Variants in SKAP1 observed in about 807,000 individuals in gnomAD.
SKAP1 encodes the protein src kinase-associated phosphoprotein 1.
A neutral mutation model predicts 58.5 loss-of-function variants in SKAP1; 44 were observed. The observed-to-expected ratio is 0.75, with a 90% CI of 0.59 to 0.97. SKAP1 has a LOEUF of 0.97. SKAP1 is among the 50% of genes least tolerant of loss of function. The pLI, the probability that SKAP1 is intolerant of heterozygous loss-of-function variation, is 0.00. For synonymous variants in SKAP1, 127 were observed against 149.7 expected, an observed-to-expected ratio of 0.85 and a Z score of 1.11; for missense variants, 390 against 435.2, an observed-to-expected ratio of 0.90 and a Z score of 0.92.
intron 12 of SKAP1, among the ~76,000 whole-genome samples, chr17:48,136,072 G>A (rs1405521048): frequency 6.6e-6 from 1 of 152,148 alleles, no homozygotes; most frequent in Non-Finnish European, 1.5e-5. Context: ...TTTACAGCTT[G>A]CTGTGTCCAT....
At chr17:48,171,355 C>G (rs1198725782) in intron 9 of SKAP1, among the ~76,000 whole-genome samples, 2 of 152,078 alleles carry the variant, frequency 1.3e-5, no homozygotes, top group Non-Finnish European at 2.9e-5. Context: ...ATCCGCCCAC[C>G]TTGGCCTCCC....
chr17:48,298,688 G>A (rs1184703830), intron 4 of SKAP1, among the ~76,000 whole-genome samples: 1 of 152,118 alleles, frequency 6.6e-6, no homozygotes, highest in Non-Finnish European at 1.5e-5. Flanking sequence ...CTGTTTTCAT[G>A]AAAGAGTTAA....
chr17:48,411,766 A>C (rs1368826640), intron 1 of SKAP1, among the ~76,000 whole-genome samples: 1 of 152,110 alleles, frequency 6.6e-6, no homozygotes, highest in Non-Finnish European at 1.5e-5. Flanking sequence ...TTATGAGAAA[A>C]AGACCAGACA....
chr17:48,172,972 T>C (rs1198623732), intron 9 of SKAP1, among the ~76,000 whole-genome samples: 1 of 152,098 alleles, frequency 6.6e-6, no homozygotes, highest in Non-Finnish European at 1.5e-5. Flanking sequence ...GCCCAAGAGT[T>C]AGACACCAGC....
At chr17:48,336,443 G>A (rs1005566019) in intron 4 of SKAP1, among the ~76,000 whole-genome samples, 1 of 152,098 alleles carries the variant, frequency 6.6e-6, no homozygotes, top group South Asian at 2.1e-4. Context: ...AGGATTAAGA[G>A]AACTGAAATT....
chr17:48,352,082 GAAA>G (rs1159148144), intron 3 of SKAP1, among the ~76,000 whole-genome samples: 2 of 114,438 alleles, frequency 1.7e-5, no homozygotes, highest in Admixed American at 8.6e-5. Flanking sequence ...CAAGAAAAGA[GAAA>G]AAAAAAAAAA....
chr17:48,172,014 TG>T (rs2143383182), intron 9 of SKAP1, among the ~76,000 whole-genome samples: 1 of 152,232 alleles, frequency 6.6e-6, no homozygotes, highest in East Asian at 1.9e-4. Context: ...GAGCCGAGAT[TG>T]TGCCACTGCA....
chr17:48,193,320 G>A (rs2064575367), intron 4 of SKAP1, among the ~76,000 whole-genome samples: 1 of 152,198 alleles, frequency 6.6e-6, no homozygotes, highest in South Asian at 2.1e-4. Flanking sequence ...TGGGATTACA[G>A]GCATGAGCCA....
At chr17:48,145,973 C>G (rs768274250) in intron 11 of SKAP1, among the ~76,000 whole-genome samples, 5 of 152,162 alleles carry the variant, frequency 3.3e-5, no homozygotes, top group African/African-American at 7.2e-5. Flanking sequence ...TTTGAACTCC[C>G]TGAAACTGGT....
intron 3 of SKAP1, among the ~76,000 whole-genome samples, chr17:48,357,369 G>A (rs1211978387): frequency 6.6e-6 from 1 of 152,150 alleles, no homozygotes; most frequent in Non-Finnish European, 1.5e-5. Flanking sequence ...AGTGGCTCAC[G>A]CCTATAATCC....
At chr17:48,160,201 A>G in intron 11 of SKAP1, among the ~76,000 whole-genome samples, 1 of 152,156 alleles carries the variant, frequency 6.6e-6, no homozygotes, top group South Asian at 2.1e-4. Context: ...CATGGCAAAA[A>G]TCATGGCAGC....
At chr17:48,200,303 A>G (rs907736465) in intron 4 of SKAP1, among the ~76,000 whole-genome samples, 2 of 152,074 alleles carry the variant, frequency 1.3e-5, no homozygotes, top group Admixed American at 6.6e-5. Context: ...TTTCAAAAAA[A>G]AAGAATTAAA....
intron 2 of SKAP1, among the ~76,000 whole-genome samples, chr17:48,385,674 G>A (rs2067266302): frequency 6.6e-6 from 1 of 152,208 alleles, no homozygotes; most frequent in Non-Finnish European, 1.5e-5. Context: ...CAGGGAGCTT[G>A]AAGAATGCCA....
chr17:48,229,546 A>G (rs2065105057), intron 4 of SKAP1, among the ~76,000 whole-genome samples: 1 of 152,074 alleles, frequency 6.6e-6, no homozygotes, highest in Non-Finnish European at 1.5e-5. Flanking sequence ...GCTTAAACCC[A>G]GGAGGCAGAG....
chr17:48,436,765 C>T, the SKAP1 span, among the ~76,000 whole-genome samples: 1 of 152,136 alleles, frequency 6.6e-6, no homozygotes, highest in African/African-American at 2.4e-5. Context: ...TCCTCCGTCT[C>T]TTAACCTTGC....
At chr17:48,230,063 C>A (rs117956225) in intron 4 of SKAP1, among the ~76,000 whole-genome samples, 160 of 88,306 alleles carry the variant, frequency 1.8e-3, no homozygotes, top group Admixed American at 3.9e-3. Flanking sequence ...AAATCCTTCT[C>A]ACTTTTCAAC....
intron 4 of SKAP1, among the ~76,000 whole-genome samples, chr17:48,291,579 C>T (rs1262761562): frequency 6.6e-6 from 1 of 152,144 alleles, no homozygotes; most frequent in Non-Finnish European, 1.5e-5. Flanking sequence ...ACCTGCCACA[C>T]TTGTGTTTGA....
intron 4 of SKAP1, among the ~76,000 whole-genome samples, chr17:48,333,601 G>C (rs1313875701): frequency 1.3e-5 from 2 of 152,100 alleles, no homozygotes; most frequent in African/African-American, 4.8e-5. Flanking sequence ...TTTTCTGCTG[G>C]TAAGACAAGC....
intron 1 of SKAP1, among the ~76,000 whole-genome samples, chr17:48,415,020 A>G (rs2067714494): frequency 6.6e-6 from 1 of 152,210 alleles, no homozygotes; most frequent in South Asian, 2.1e-4. Context: ...AAAGCAAAAA[A>G]TATTTGTCTG....
Sources: allele counts gnomAD v4.1 joint callset (sites outside exome capture counted in the v4.1 genomes callset), GRCh38; gene constraint gnomAD v4.1.1; transcripts MANE v1.5; gene names NCBI Gene and HGNC (gene_info 2026-07-23, HGNC 2026-07-21).